The following TAS2R1 variants were observed in gnomAD, a reference collection of about 807,000 sequenced individuals.
TAS2R1 encodes the protein taste 2 receptor member 1.
For synonymous variants in TAS2R1, 141 were observed against 134.2 expected, an observed-to-expected ratio of 1.05 and a Z score of -0.35; for missense variants, 370 against 353.4, an observed-to-expected ratio of 1.05 and a Z score of -0.38.
chr5:9,751,552 G>T, the TAS2R1 span, among the ~76,000 whole-genome samples: 5 of 152,096 alleles, frequency 3.3e-5, no homozygotes, highest in Admixed American at 2.6e-4. Flanking sequence ...TGTTATAAAT[G>T]ATTCCTTCTG....
At chr5:9,663,554 T>A (rs1035447686) in intron 1 of TAS2R1, among the ~76,000 whole-genome samples, 2 of 152,216 alleles carry the variant, frequency 1.3e-5, no homozygotes, top group African/African-American at 4.8e-5. Flanking sequence ...TTTATGTCGT[T>A]GTTGTTTAAC....
the TAS2R1 span, among the ~76,000 whole-genome samples, chr5:9,900,618 G>GTTTTTTTTTTTTTTT: frequency 1.7e-5 from 2 of 119,958 alleles, 1 homozygote; most frequent in African/African-American, 6.5e-5. Context: ...TGCTCAAATG[G>GTTTTTTTTTTTTTTT]TTTTTTTTTT....
At chr5:9,638,101 G>A (rs185674207) in intron 2 of TAS2R1, among the ~76,000 whole-genome samples, 15 of 152,288 alleles carry the variant, frequency 9.8e-5, no homozygotes, top group African/African-American at 2.9e-4. Flanking sequence ...AGATTCTCTT[G>A]TCCCATGGGG....
chr5:9,723,798 C>T, the TAS2R1 span, among the ~76,000 whole-genome samples: 1 of 152,238 alleles, frequency 6.6e-6, no homozygotes, highest in Non-Finnish European at 1.5e-5. Flanking sequence ...CTGCCGGGCA[C>T]AAGGCTCCCA....
At chr5:9,739,284 G>A in the TAS2R1 span, among the ~76,000 whole-genome samples, 2 of 152,140 alleles carry the variant, frequency 1.3e-5, no homozygotes, top group African/African-American at 2.4e-5. Context: ...ACAGCGTGCT[G>A]GCTTATCTGG....
chr5:9,797,183 C>T, the TAS2R1 span, among the ~76,000 whole-genome samples: 4 of 152,130 alleles, frequency 2.6e-5, no homozygotes, highest in Admixed American at 1.3e-4. Flanking sequence ...ATGATTATGC[C>T]TCCTCCCCGG....
Position 9,708,321 on chromosome 5 carries a change from G to A in TAS2R1, c.-242+3851C>T, listed in dbSNP as rs1467674642. Among the ~76,000 whole-genome samples the A allele has an allele frequency of 2.0e-5, 3 of 152,184 alleles. No homozygotes were observed. The East Asian group carries it at 5.8e-4, about 29-fold the overall frequency. ...AGAATCCTTGAGGTGCTGTGCCGCA[G>A]AGCAGATTCAATTTTGTTCACTTAA... On this transcript the variant is annotated intron_variant, in intron 1 of 2. Coordinates refer to the TAS2R1 transcript ENST00000506620.
At chr5:9,762,875 G>T in the TAS2R1 span, among the ~76,000 whole-genome samples, 12 of 152,222 alleles carry the variant, frequency 7.9e-5, no homozygotes, top group Admixed American at 2.0e-4. Flanking sequence ...ATTGGAAACA[G>T]AAAGAATTCT....
intron 1 of TAS2R1, among the ~76,000 whole-genome samples, chr5:9,701,740 CAT>C (rs1342929342): frequency 6.6e-6 from 1 of 152,176 alleles, no homozygotes; most frequent in Non-Finnish European, 1.5e-5. Flanking sequence ...CAGTTTTTCA[CAT>C]GTTCTATATA....
upstream of TAS2R1, among the ~76,000 whole-genome samples, chr5:9,633,295 TA>T (rs1739906490): frequency 4.1e-5 from 2 of 49,196 alleles, no homozygotes; most frequent in African/African-American, 2.4e-4. Flanking sequence ...GTGTGTATAT[TA>T]TATATATATA....
At chr5:9,646,883 GAACT>G (rs1237108657) in intron 2 of TAS2R1, among the ~76,000 whole-genome samples, 1 of 152,146 alleles carries the variant, frequency 6.6e-6, no homozygotes, top group Non-Finnish European at 1.5e-5. Context: ...AACAGCTGCT[GAACT>G]AACAATGAAA....
the TAS2R1 span, among the ~76,000 whole-genome samples, chr5:9,864,983 A>G: frequency 6.6e-6 from 1 of 152,192 alleles, no homozygotes; most frequent in Non-Finnish European, 1.5e-5. Context: ...TGACCTCCTC[A>G]TATCTTCTTT....
the TAS2R1 span, among the ~76,000 whole-genome samples, chr5:9,870,628 A>G: frequency 6.6e-6 from 1 of 152,232 alleles, no homozygotes. Flanking sequence ...AGGCAAATAA[A>G]TAATGGCAAA....
At chr5:9,639,559 T>C (rs1010934052) in intron 2 of TAS2R1, among the ~76,000 whole-genome samples, 2 of 152,214 alleles carry the variant, frequency 1.3e-5, no homozygotes, top group Non-Finnish European at 2.9e-5. Context: ...CAGTGGTTCT[T>C]GGAGCAAAAG....
the TAS2R1 span, among the ~76,000 whole-genome samples, chr5:9,818,982 G>A: frequency 4.4e-3 from 665 of 152,274 alleles, 6 homozygotes; most frequent in African/African-American, 0.015. Context: ...TAATGACTTC[G>A]AAGCCATGTA....
the TAS2R1 span, among the ~76,000 whole-genome samples, chr5:9,769,361 C>A: frequency 6.6e-6 from 1 of 152,092 alleles, no homozygotes; most frequent in Admixed American, 6.6e-5. Context: ...CTATTGTGAA[C>A]AATGCTGCAA....
intron 1 of TAS2R1, among the ~76,000 whole-genome samples, chr5:9,692,582 C>G (rs1741267261): frequency 6.6e-6 from 1 of 152,196 alleles, no homozygotes; most frequent in South Asian, 2.1e-4. Flanking sequence ...GTAAGGACTC[C>G]TGAACAAAAG....
chr5:9,853,743 C>T, the TAS2R1 span, among the ~76,000 whole-genome samples: 2 of 152,058 alleles, frequency 1.3e-5, no homozygotes, highest in Non-Finnish European at 2.9e-5. Context: ...TGGAGAACCA[C>T]GCAGTGGCTC....
At chr5:9,869,503 G>A in the TAS2R1 span, among the ~76,000 whole-genome samples, 15 of 152,114 alleles carry the variant, frequency 9.9e-5, no homozygotes, top group East Asian at 1.9e-4. Flanking sequence ...TCATTCCCAC[G>A]ACATGTGGAG....
Sources: gnomAD v4.1 joint callset for allele counts (sites outside exome capture counted in the v4.1 genomes callset) on GRCh38, gnomAD v4.1.1 for gene constraint, MANE v1.5 for transcripts, NCBI Gene and HGNC (gene_info 2026-07-23, HGNC 2026-07-21) for gene names.